Variants in SLIT3 observed in about 807,000 individuals in gnomAD.
The protein encoded by SLIT3 is slit homolog 3 protein.
SLIT3 carries 68 observed loss-of-function variants against 184.0 expected under a neutral mutation model. The observed-to-expected ratio is 0.37, with a 90% CI of 0.30 to 0.45. The LOEUF (loss-of-function observed/expected upper bound fraction) is 0.45. Ranked by LOEUF, SLIT3 falls within the 20% of genes least tolerant of loss-of-function variation. SLIT3 has a pLI of 1.00. For synonymous variants in SLIT3, 831 were observed against 828.6 expected (o/e 1.00, Z -0.05); for missense variants, 1,707 against 2,026.0 (o/e 0.84, Z 3.02).
intron 5 of SLIT3, among the ~76,000 whole-genome samples, chr5:168,856,288 C>T (rs1398255548): frequency 6.6e-6 from 1 of 152,122 alleles, no homozygotes; most frequent in African/African-American, 2.4e-5. Context: ...CTTTATGAGA[C>T]CACCCCATTT....
chr5:169,163,481 G>A (rs1762541843), intron 4 of SLIT3, among the ~76,000 whole-genome samples: 1 of 152,188 alleles, frequency 6.6e-6, no homozygotes, highest in African/African-American at 2.4e-5. Context: ...GGCTTTCTGA[G>A]CCAGGCTCTG....
At chr5:169,043,554 T>C (rs1253273585) in intron 4 of SLIT3, among the ~76,000 whole-genome samples, 2 of 152,254 alleles carry the variant, frequency 1.3e-5, no homozygotes, top group Admixed American at 1.3e-4. Flanking sequence ...ATAACTTGCC[T>C]ATCAAACTCT....
intron 4 of SLIT3, among the ~76,000 whole-genome samples, chr5:169,172,726 A>G (rs1762854133): frequency 6.6e-6 from 1 of 152,196 alleles, no homozygotes; most frequent in South Asian, 2.1e-4. Flanking sequence ...CTTCCCATTC[A>G]TGCATTTTTT....
intron 5 of SLIT3, among the ~76,000 whole-genome samples, chr5:168,876,372 G>A (rs1047302960): frequency 6.6e-6 from 1 of 151,928 alleles, no homozygotes; most frequent in African/African-American, 2.4e-5. Context: ...CCCCTATTAG[G>A]AACCCCCCAA....
At chr5:169,046,734 C>T (rs1189028977) in intron 4 of SLIT3, among the ~76,000 whole-genome samples, 1 of 152,168 alleles carries the variant, frequency 6.6e-6, no homozygotes, top group African/African-American at 2.4e-5. Context: ...TCCTTCATTG[C>T]TGAGCATGTT....
chr5:168,927,413 A>C (rs1401115482), intron 4 of SLIT3, among the ~76,000 whole-genome samples: 5 of 152,236 alleles, frequency 3.3e-5, no homozygotes. Flanking sequence ...TCAGTTTTGC[A>C]AGATGAAAAG....
Position 168,806,606 on chromosome 5 carries a change from A to T in SLIT3, c.794-19T>A. On this transcript the variant is annotated intron_variant, in intron 8 of 35. Coordinates refer to ENST00000519560, the MANE Select transcript of SLIT3 (RefSeq NM_003062.4). ...TGGGGGGCTGTGGAGCCAAGACACA[A>T]CGGTCAACTTATGTCAGTGTCAGGA... 1 of 1,613,950 alleles carries T rather than the reference A, an allele frequency of 6.2e-7. No individual in the cohort carries two copies. Among genetic ancestry groups the T allele is most frequent in the Non-Finnish European group, 8.5e-7 (1 of 1,179,914 alleles).
At chr5:168,981,062 A>G (rs550191622) in intron 4 of SLIT3, among the ~76,000 whole-genome samples, 2 of 152,354 alleles carry the variant, frequency 1.3e-5, no homozygotes, top group South Asian at 4.2e-4. Flanking sequence ...TTTCCCAAAA[A>G]GATATTTTTT....
chr5:169,005,993 C>T (rs1755910713), intron 4 of SLIT3, among the ~76,000 whole-genome samples: 1 of 152,266 alleles, frequency 6.6e-6, no homozygotes, highest in Non-Finnish European at 1.5e-5. Context: ...GAATCTTCAA[C>T]AGGCAATTCC....
intron 4 of SLIT3, among the ~76,000 whole-genome samples, chr5:168,890,669 T>C (rs553328923): frequency 9.2e-5 from 14 of 152,298 alleles, no homozygotes; most frequent in Non-Finnish European, 1.0e-4. Flanking sequence ...CAAAATAATA[T>C]AGGAGAGAAA....
intron 4 of SLIT3, among the ~76,000 whole-genome samples, chr5:169,119,257 A>G (rs962587598): frequency 2.6e-5 from 4 of 152,194 alleles, no homozygotes; most frequent in African/African-American, 9.7e-5. Flanking sequence ...TCAAAATTAA[A>G]TCACCCAAAG....
intron 4 of SLIT3, among the ~76,000 whole-genome samples, chr5:169,175,224 C>T (rs554736720): frequency 1.0e-3 from 156 of 152,282 alleles, no homozygotes; most frequent in African/African-American, 3.6e-3. Context: ...CACCATTATC[C>T]TTGACTGTCT....
At chr5:168,861,596 G>A (rs1240481354) in intron 5 of SLIT3, among the ~76,000 whole-genome samples, 2 of 152,148 alleles carry the variant, frequency 1.3e-5, no homozygotes, top group African/African-American at 4.8e-5. Flanking sequence ...TTCCAGAAAA[G>A]GGACTTGGCT....
At chr5:168,737,617 A>C (rs1763481228) in intron 20 of SLIT3, among the ~76,000 whole-genome samples, 1 of 152,212 alleles carries the variant, frequency 6.6e-6, no homozygotes, top group Non-Finnish European at 1.5e-5. Context: ...GTTATAGGAC[A>C]ACAAATCCAT....
In SLIT3 at chr5:168,827,238, T is replaced by C. The variant is rs546784946; in HGVS notation, c.558-3907A>G. Among the ~76,000 whole-genome samples, 3 of 152,298 alleles carry C rather than the reference T, an allele frequency of 2.0e-5. No individual in the cohort carries two copies. The South Asian group carries it at 6.2e-4, about 32-fold the overall frequency. On this transcript the variant is annotated intron_variant, in intron 6 of 35. Coordinates refer to ENST00000519560, the MANE Select transcript of SLIT3 (RefSeq NM_003062.4). Reference sequence around the variant, plus strand: ...GCTGCTGTAACAGATTACCATGGATTTGGTGGCTCAAGGCACCACACATTT... The same window carrying C: ...GCTGCTGTAACAGATTACCATGGATCTGGTGGCTCAAGGCACCACACATTT...
chr5:169,255,674 G>A (rs946449832), intron 1 of SLIT3, among the ~76,000 whole-genome samples: 1 of 152,158 alleles, frequency 6.6e-6, no homozygotes, highest in Non-Finnish European at 1.5e-5. Flanking sequence ...ACAAGGTCAA[G>A]AGATCGAGAC....
intron 5 of SLIT3, among the ~76,000 whole-genome samples, chr5:168,880,733 A>T (rs1759919567): frequency 6.6e-6 from 1 of 152,226 alleles, no homozygotes; most frequent in Admixed American, 6.5e-5. Context: ...TCACAGACTA[A>T]GAACCTAGAA....
At chr5:169,110,665 C>T (rs573993154) in intron 4 of SLIT3, among the ~76,000 whole-genome samples, 1 of 152,250 alleles carries the variant, frequency 6.6e-6, no homozygotes, top group Admixed American at 6.5e-5. Context: ...GTAACATTCA[C>T]AGATATTGGA....
intron 4 of SLIT3, among the ~76,000 whole-genome samples, chr5:169,016,500 A>G (rs1756380238): frequency 1.3e-5 from 2 of 152,234 alleles, no homozygotes; most frequent in South Asian, 4.1e-4. Context: ...TGATATTATC[A>G]TTATTAAGTG....
Sources: gnomAD v4.1 joint callset for allele counts (sites outside exome capture counted in the v4.1 genomes callset) on GRCh38, gnomAD v4.1.1 for gene constraint, MANE v1.5 for transcripts, NCBI Gene and HGNC (gene_info 2026-07-23, HGNC 2026-07-21) for gene names.